The following MYO3B variants were observed in gnomAD, a reference collection of about 807,000 sequenced individuals.
MYO3B encodes myosin IIIB.
In MYO3B, 156 loss-of-function variants were observed where a neutral mutation model predicts 174.6. The ratio of observed to expected loss-of-function variants is 0.89; its 90% confidence interval spans 0.78 to 1.02. The LOEUF (loss-of-function observed/expected upper bound fraction) is 1.02. MYO3B is among the 50% of genes least tolerant of loss of function. MYO3B has a pLI of 0.00. For missense variants in MYO3B, 1,632 were observed against 1,639.4 expected, an observed-to-expected ratio of 1.00 and a Z score of 0.08; for synonymous variants, 563 against 569.1, an observed-to-expected ratio of 0.99 and a Z score of 0.15.
chr2:170,529,591 C>G (rs1181476301), intron 30 of MYO3B, among the ~76,000 whole-genome samples: 2 of 152,194 alleles, frequency 1.3e-5, no homozygotes, highest in Non-Finnish European at 1.5e-5. Context: ...TCATCCCCTT[C>G]CTGCATTACC....
intron 22 of MYO3B, among the ~76,000 whole-genome samples, chr2:170,415,030 CTT>C (rs1345968867): frequency 6.6e-6 from 1 of 152,146 alleles, no homozygotes; most frequent in Non-Finnish European, 1.5e-5. Context: ...AATGAGAACT[CTT>C]TTGTTTCTTC....
chr2:170,537,272 C>T (rs1391032980), intron 30 of MYO3B, among the ~76,000 whole-genome samples: 1 of 150,754 alleles, frequency 6.6e-6, no homozygotes, highest in African/African-American at 2.4e-5. Context: ...TCACCTGAGC[C>T]TGAGAGGTTG....
intron 16 of MYO3B, among the ~76,000 whole-genome samples, chr2:170,399,399 G>A (rs1226341706): frequency 6.6e-5 from 10 of 151,210 alleles, no homozygotes; most frequent in African/African-American, 2.4e-4. Context: ...GCTTGAACCC[G>A]GGAGGCAGAG....
chr2:170,222,894 T>C (rs2092916127), intron 6 of MYO3B, among the ~76,000 whole-genome samples: 1 of 152,076 alleles, frequency 6.6e-6, no homozygotes, highest in African/African-American at 2.4e-5. Flanking sequence ...GGCTGCAGGT[T>C]ATAGATGCTA....
intron 7 of MYO3B, among the ~76,000 whole-genome samples, chr2:170,290,441 G>A (rs940832287): frequency 6.6e-6 from 1 of 151,848 alleles, no homozygotes; most frequent in African/African-American, 2.4e-5. Flanking sequence ...TACCTTCTTT[G>A]TTTCTTTTTA....
intron 3 of MYO3B, among the ~76,000 whole-genome samples, chr2:170,202,523 G>A (rs2092672897): frequency 6.6e-6 from 1 of 152,216 alleles, no homozygotes; most frequent in Non-Finnish European, 1.5e-5. Context: ...ACAGAAGTGA[G>A]TAACATGCCT....
chr2:170,495,240 T>G (rs1307817128), intron 25 of MYO3B, among the ~76,000 whole-genome samples: 1 of 152,232 alleles, frequency 6.6e-6, no homozygotes, highest in East Asian at 1.9e-4. Flanking sequence ...CCTCTTGGCT[T>G]GGTTCCTTTC....
At chr2:170,542,447 T>C (rs1449468555) in intron 30 of MYO3B, among the ~76,000 whole-genome samples, 1 of 152,222 alleles carries the variant, frequency 6.6e-6, no homozygotes. Context: ...TAAAAGATTA[T>C]TCCTGCAGTA....
chr2:170,636,673 G>A (rs868864861), intron 32 of MYO3B, among the ~76,000 whole-genome samples: 1 of 152,010 alleles, frequency 6.6e-6, no homozygotes, highest in Non-Finnish European at 1.5e-5. Context: ...CGCGTTTCCC[G>A]GTGCCATCAT....
intron 7 of MYO3B, among the ~76,000 whole-genome samples, chr2:170,301,354 ATTACT>A: frequency 2.0e-5 from 3 of 152,322 alleles, no homozygotes; most frequent in South Asian, 4.1e-4. Flanking sequence ...GACATTTTAG[ATTACT>A]TTATACATCA....
chr2:170,611,385 T>G lies in MYO3B; in HGVS notation c.3734-40243T>G, dbSNP rs759873770. Among the ~76,000 whole-genome samples, 8 of 152,336 alleles carry G rather than the reference T, an allele frequency of 5.3e-5. No individual in the cohort carries two copies. The East Asian group carries it at 7.7e-4, about 15-fold the overall frequency. ...TTAAAGGGCAAGGGCCAGAGTCATT[T>G]TGGCAAAATAGAATCCCCAAAGACC... On this transcript the variant is annotated intron_variant, in intron 32 of 34. Coordinates refer to ENST00000408978, the MANE Select transcript of MYO3B (RefSeq NM_138995.5).
At chr2:170,391,445 A>G in intron 14 of MYO3B, 75 bp from the exon 15 acceptor site, 1 of 676,242 alleles carries the variant, frequency 1.5e-6, no homozygotes, top group South Asian at 2.4e-5. Flanking sequence ...TCTTTTGTAC[A>G]GAAAGGAAAT....
chr2:170,426,078 G>GA (rs1331211155), intron 22 of MYO3B, among the ~76,000 whole-genome samples: 1 of 27,454 alleles, frequency 3.6e-5, no homozygotes, highest in East Asian at 1.4e-3. Flanking sequence ...CTTAATCTCT[G>GA]ATTTTTTTTT....
At chr2:170,337,164 A>G (rs1387987258) in intron 8 of MYO3B, among the ~76,000 whole-genome samples, 1 of 152,086 alleles carries the variant, frequency 6.6e-6, no homozygotes, top group African/African-American at 2.4e-5. Flanking sequence ...AGCCACTTCC[A>G]GAGGTTTGGG....
Position 170,335,373 on chromosome 2 carries a change from T to C in MYO3B, c.750-12T>C, listed in dbSNP as rs1292809914. 6.3e-7 allele frequency: 1 copy of C among 1,598,902 alleles called. No individual in the cohort carries two copies. On this transcript the variant is annotated splice_polypyrimidine_tract_variant and intron_variant, in intron 7 of 34. Coordinates refer to ENST00000408978, the MANE Select transcript of MYO3B (RefSeq NM_138995.5). ...CTTCTTTCTTAAGAAAAAATTGCTG[T>C]TATTTTTTCAGAAATCCTCCACCTA...
At chr2:170,614,145 G>A (rs1293726611) in intron 32 of MYO3B, among the ~76,000 whole-genome samples, 1 of 152,080 alleles carries the variant, frequency 6.6e-6, no homozygotes, top group Non-Finnish European at 1.5e-5. Context: ...TAACAAAGGG[G>A]GCATGGACTT....
At chr2:170,631,227 C>G (rs1696945630) in intron 32 of MYO3B, among the ~76,000 whole-genome samples, 1 of 152,098 alleles carries the variant, frequency 6.6e-6, no homozygotes, top group Admixed American at 6.6e-5. Context: ...AGCTGAAAAC[C>G]ATGGCAAGAG....
chr2:170,509,679 C>G (rs1687857669), intron 28 of MYO3B, among the ~76,000 whole-genome samples: 1 of 152,176 alleles, frequency 6.6e-6, no homozygotes, highest in Admixed American at 6.5e-5. Flanking sequence ...CTCCTGACAT[C>G]ATTTGTCCCC....
Position 170,651,737 on chromosome 2 carries a change from G to C in MYO3B, c.3840+3G>C. The C allele has an allele frequency of 6.2e-7, 1 of 1,612,000 alleles. No individual in the cohort carries two copies. The highest frequency in any genetic ancestry group is 1.1e-5 in the South Asian group (1 of 90,968). ...CCATGTACTATAACCAGTTAAATGT[G>C]AGTTCAAAGTGGCCGTAAAGCTGTT... On this transcript the variant is annotated splice_donor_region_variant and intron_variant, in intron 33 of 34. Transcript: ENST00000408978.
Sources: allele counts gnomAD v4.1 joint callset (sites outside exome capture counted in the v4.1 genomes callset), GRCh38; gene constraint gnomAD v4.1.1; transcripts MANE v1.5; gene names NCBI Gene and HGNC (gene_info 2026-07-23, HGNC 2026-07-21).